TULP4: variants seen among roughly 807,000 people sequenced by gnomAD.
TULP4 encodes the protein tubby-related protein 4.
A neutral mutation model predicts 129.0 loss-of-function variants in TULP4; 16 were observed. That is an observed-to-expected ratio of 0.12 (90% CI 0.08 to 0.19). TULP4 has a LOEUF of 0.19. Among genes scored for constraint, TULP4 ranks in the 10% least tolerant of loss-of-function variants. The probability of loss-of-function intolerance (pLI) is 1.00; values close to 1 mark genes in which losing one functional copy is unlikely to be tolerated. For missense variants in TULP4, 1,842 were observed against 2,059.1 expected, an observed-to-expected ratio of 0.89 and a Z score of 2.04; for synonymous variants, 998 against 854.0, an observed-to-expected ratio of 1.17 and a Z score of -2.94.
intron 1 of TULP4, among the ~76,000 whole-genome samples, chr6:158,262,103 A>C (rs899429166): frequency 7.2e-5 from 11 of 152,182 alleles, no homozygotes; most frequent in African/African-American, 2.7e-4. Flanking sequence ...CACTGGGTAG[A>C]GGGCTGGCAG....
At position 158,242,432 on chromosome 6, in the gene TULP4, TGC is replaced by T. The variant is rs1777941643; in HGVS notation, n.68+10130_68+10131del. 5.4e-6 allele frequency: 6 copies of T among 1,106,556 alleles called. No individual in the cohort carries two copies. In the East Asian group the frequency reaches 1.4e-4, roughly 26 times the overall value. The allele number at this position is 1,106,556 out of a possible 1,614,324, so 68.5% of individuals were successfully genotyped here. A position where few individuals can be genotyped will look rare whatever the true frequency, so the allele number is the denominator to read the frequency against. On this transcript the variant is annotated intron_variant and non_coding_transcript_variant, in intron 1 of 1. Transcript: ENST00000620026. Reference sequence around the variant, plus strand: ...GGGAGTTTCGGACGAGATCTCTTTATGCCACTAAGCATTCATCATAGTGTTCC... The same window carrying T: ...GGGAGTTTCGGACGAGATCTCTTTATCACTAAGCATTCATCATAGTGTTCC...
chr6:158,502,935 A>G lies in TULP4; in HGVS notation c.3272A>G (p.Asp1091Gly). 2 of 1,613,964 alleles carry G rather than the reference A, an allele frequency of 1.2e-6. No homozygotes were observed. Among genetic ancestry groups the G allele is most frequent in the Non-Finnish European group, 1.7e-6 (2 of 1,179,978 alleles). ...TACGTCAACTCGGCCTTCACGGAGG[A>G]CGAGGCCCTGTCCCAGCACTGTCAG... ...TDYVNSAFTEDEALSQHCQLE... is the reference protein window; with the variant it reads ...TDYVNSAFTEGEALSQHCQLE... The change falls in exon 13 of 14, where the codon GAC becomes GGC. Residue 1091 changes from aspartate (D) to glycine (G), a missense_variant. Physicochemically the swap from Asp to Gly is moderately conservative, Grantham distance 94. This residue lies in a region of TULP4 where 1,089 missense variants were observed against 987.1 expected (regional missense o/e 1.10). Transcript: ENST00000367097.
At chr6:158,404,336 T>G (rs544826180) in intron 1 of TULP4, among the ~76,000 whole-genome samples, 2 of 152,296 alleles carry the variant, frequency 1.3e-5, no homozygotes, top group South Asian at 4.1e-4. Flanking sequence ...ACCTGCTTCT[T>G]AGGTTTGAAG....
rs1170659954 is a variant in TULP4, at chr6:158,418,098, T to TG, written c.381+4906dup. On this transcript the variant is annotated intron_variant, in intron 2 of 13. Transcript: ENST00000367097. ...GAGTTTCTGCCTTTTTGTGTGTGTG[T>TG]GTTTTTTTTTTTTTTTTTGGGAGCG... is the stretch of plus-strand genomic sequence containing the variant. 4.5e-4 allele frequency among the ~76,000 whole-genome samples: 64 copies of TG among 143,610 alleles called. 1 individual carries two copies. Among genetic ancestry groups the TG allele is most frequent in the African/African-American group, 1.6e-3 (63 of 39,628 alleles). 94.2% of individuals were successfully genotyped at this position (143,610 alleles called of 152,430 possible).
At position 158,510,702 on chromosome 6, in the gene TULP4, A is replaced by C. The variant is rs908863345; in HGVS notation, c.*4008A>C. On this transcript the variant is annotated 3_prime_UTR_variant, in exon 14 of 14. Transcript: ENST00000367097. ...ACAAAAGTACTGATTCTAGGTAAGA[A>C]GGAGTCTCCACGGGTGTGCCCTGCT... The C allele has an allele frequency of 3.3e-5, 5 of 152,288 alleles. No homozygotes were observed. Among genetic ancestry groups the C allele is most frequent in the African/African-American group, 1.2e-4 (5 of 41,462 alleles). The allele number at this position is 152,288 out of a possible 1,614,324, so 9.4% of individuals were successfully genotyped here.
chr6:158,426,688 C>T (rs1778502031), intron 2 of TULP4, among the ~76,000 whole-genome samples: 2 of 152,110 alleles, frequency 1.3e-5, no homozygotes, highest in South Asian at 2.1e-4. Context: ...CTTAGGATTG[C>T]CTTGGATCTT....
intron 1 of TULP4, among the ~76,000 whole-genome samples, chr6:158,392,790 A>ATTTCT (rs1359383615): frequency 2.6e-5 from 1 of 38,630 alleles, no homozygotes; most frequent in Non-Finnish European, 5.7e-5. Context: ...TTAAATTTGT[A>ATTTCT]TTTCTTTTTT....
chr6:158,439,610 A>C lies in TULP4; in HGVS notation c.544-9386A>C, dbSNP rs761390978. On this transcript the variant is annotated intron_variant, in intron 3 of 13. Transcript: ENST00000367097. ...TGATTATAGGCACTGCATAGATTTT[A>C]GTTTCCCTGCAAAGACTTAAAAGTC... Among the ~76,000 whole-genome samples, 24 of 148,988 alleles carry C rather than the reference A, an allele frequency of 1.6e-4. 1 individual carries two copies. The highest frequency in any genetic ancestry group is 3.1e-4 in the Non-Finnish European group (21 of 67,422).
chr6:158,420,599 A>G (rs1778317107), intron 2 of TULP4, among the ~76,000 whole-genome samples: 1 of 151,830 alleles, frequency 6.6e-6, no homozygotes, highest in Non-Finnish European at 1.5e-5. Flanking sequence ...CTCCTGTCTC[A>G]GCCTCCAGAG....
chr6:158,399,453 G>A (rs1777795209), intron 1 of TULP4, among the ~76,000 whole-genome samples: 1 of 152,194 alleles, frequency 6.6e-6, no homozygotes, highest in Admixed American at 6.5e-5. Context: ...CTGATTCACT[G>A]GAACTGGAGT....
chr6:158,398,305 A>C (rs1186729831), intron 1 of TULP4, among the ~76,000 whole-genome samples: 2 of 152,330 alleles, frequency 1.3e-5, no homozygotes, highest in East Asian at 3.9e-4. Context: ...CCCCTAGTAC[A>C]TACAAGGTGT....
intron 1 of TULP4, among the ~76,000 whole-genome samples, chr6:158,327,160 G>C (rs1207190893): frequency 6.6e-6 from 1 of 152,150 alleles, no homozygotes; most frequent in Non-Finnish European, 1.5e-5. Flanking sequence ...TTAGAAAAGT[G>C]GCTGGCACAT....
intron 1 of TULP4, among the ~76,000 whole-genome samples, chr6:158,258,690 CTA>C (rs888880739): frequency 6.6e-6 from 1 of 152,162 alleles, no homozygotes; most frequent in African/African-American, 2.4e-5. Context: ...AAATAAAAAA[CTA>C]AATTAAAACA....
chr6:158,319,171 A>G (rs996090884), intron 1 of TULP4, among the ~76,000 whole-genome samples: 1 of 152,148 alleles, frequency 6.6e-6, no homozygotes, highest in African/African-American at 2.4e-5. Flanking sequence ...AGCTGCAGAA[A>G]TACTGTGTTT....
intron 3 of TULP4, among the ~76,000 whole-genome samples, chr6:158,437,104 A>T (rs912566135): frequency 1.3e-5 from 2 of 152,242 alleles, no homozygotes; most frequent in Non-Finnish European, 2.9e-5. Flanking sequence ...CCTCTGGGAC[A>T]TCTGTGAGAT....
Position 158,373,574 on chromosome 6 carries a change from G to T in TULP4, c.253-39491G>T, listed in dbSNP as rs138763425. On this transcript the variant is annotated intron_variant, in intron 1 of 13. Coordinates refer to ENST00000367097, the MANE Select transcript of TULP4 (RefSeq NM_020245.5). ...AAACTATGGAGTTTATCTCCACGTGGTAATACTGTCTTAATGAAATTAATA... is the reference window on the plus strand; with the variant it reads ...AAACTATGGAGTTTATCTCCACGTGTTAATACTGTCTTAATGAAATTAATA... 3.3e-4 allele frequency among the ~76,000 whole-genome samples: 51 copies of T among 152,244 alleles called. 2 individuals carry two copies. In the East Asian group the frequency reaches 9.8e-3, roughly 29 times the overall value.
At chr6:158,418,549 C>T (rs1778267671) in intron 2 of TULP4, among the ~76,000 whole-genome samples, 1 of 152,058 alleles carries the variant, frequency 6.6e-6, no homozygotes, top group South Asian at 2.1e-4. Context: ...AAGAGGATCT[C>T]TTGTGACCAG....
At chr6:158,497,708 A>G (rs1179426477) in intron 11 of TULP4, among the ~76,000 whole-genome samples, 2 of 152,274 alleles carry the variant, frequency 1.3e-5, no homozygotes, top group Non-Finnish European at 2.9e-5. Context: ...AGAGAGAAAC[A>G]CATGCCTAGG....
Position 158,413,355 on chromosome 6 carries a change from A to T in TULP4, c.381+162A>T, listed in dbSNP as rs1273520722. 6.6e-6 allele frequency among the ~76,000 whole-genome samples: 1 copy of T among 152,234 alleles called. No individual in the cohort carries two copies. On this transcript the variant is annotated intron_variant, in intron 2 of 13. Transcript: ENST00000367097. The surrounding 1 kb of genome is among the most constrained non-coding windows in gnomAD (Gnocchi z 4.9). Reference sequence around the variant, plus strand: ...GAATCCTACTTTTCATTTCTCTCACATATGTCACTGGATAAAAAGAGTACA... The same window carrying T: ...GAATCCTACTTTTCATTTCTCTCACTTATGTCACTGGATAAAAAGAGTACA...
Sources: gnomAD v4.1 joint callset for allele counts (sites outside exome capture counted in the v4.1 genomes callset) on GRCh38, gnomAD v4.1.1 for gene constraint, gnomAD v4.1.1 regional missense constraint, Gnocchi (gnomAD v3.1) non-coding constraint, MANE v1.5 for transcripts, NCBI Gene and HGNC (gene_info 2026-07-23, HGNC 2026-07-21) for gene names.